The following NAA35 variants were observed in gnomAD, a reference collection of about 807,000 sequenced individuals.
NAA35 encodes the protein N-alpha-acetyltransferase 35, NatC auxiliary subunit.
Under a neutral mutation model 101.7 loss-of-function variants are expected in NAA35, and 18 were observed. That is an observed-to-expected ratio of 0.18 (90% CI 0.12 to 0.26). The LOEUF is 0.26. Among genes scored for constraint, NAA35 ranks in the 10% least tolerant of loss-of-function variants. The pLI is 1.00. For synonymous variants in NAA35, 267 were observed against 273.1 expected (o/e 0.98, Z 0.22); for missense variants, 601 against 886.8 (o/e 0.68, Z 4.09).
rs1831307385 is a variant in NAA35 at position 85,999,159 on chromosome 9, C to G, written c.1056+2582C>G. Among the ~76,000 whole-genome samples, 4 of 151,958 alleles carry G rather than the reference C, an allele frequency of 2.6e-5. No individual in the cohort carries two copies. In the South Asian group the frequency reaches 8.3e-4, roughly 32 times the overall value. ...CATAAGAATCAGAATTTTAAAAGTT[C>G]CTAGGAAAAAGATCATAGAAAGACA... On this transcript the variant is annotated intron_variant, in intron 12 of 22. Transcript: ENST00000361671.
chr9:85,958,374 T>G (rs1287627496), intron 3 of NAA35, 98 bp from the exon 4 acceptor site: 8 of 639,958 alleles, frequency 1.3e-5, no homozygotes. Context: ...ATAGAATACT[T>G]TAGTTATTAA....
At chr9:85,976,244 T>G (rs1830206143) in intron 8 of NAA35, among the ~76,000 whole-genome samples, 1 of 152,220 alleles carries the variant, frequency 6.6e-6, no homozygotes, top group African/African-American at 2.4e-5. Flanking sequence ...ACATTTGTAT[T>G]AAGAAATTGT....
At chr9:86,001,657 TG>T (rs1831423181) in intron 12 of NAA35, among the ~76,000 whole-genome samples, 1 of 152,234 alleles carries the variant, frequency 6.6e-6, no homozygotes, top group Non-Finnish European at 1.5e-5. Flanking sequence ...TTTGTTGGTG[TG>T]AAATCTGTTT....
intron 12 of NAA35, among the ~76,000 whole-genome samples, chr9:85,996,936 T>TA (rs1831187166): frequency 6.6e-6 from 1 of 151,848 alleles, no homozygotes; most frequent in African/African-American, 2.4e-5. Context: ...AAAGTGAACT[T>TA]AAACTCTTTT....
At chr9:85,996,856 C>T (rs947500759) in intron 12 of NAA35, among the ~76,000 whole-genome samples, 1 of 152,122 alleles carries the variant, frequency 6.6e-6, no homozygotes, top group Admixed American at 6.5e-5. Context: ...GATAATTCAT[C>T]CAAGATTTGT....
chr9:85,958,403 C>A (rs536462346), intron 3 of NAA35, 69 bp from the exon 4 acceptor site: 3 of 886,338 alleles, frequency 3.4e-6, no homozygotes, highest in Admixed American at 4.9e-5. Context: ...TAATTTTATA[C>A]CGTTGTGAAA....
At chr9:85,948,887 A>G (rs1345221041) in intron 2 of NAA35, among the ~76,000 whole-genome samples, 1 of 151,838 alleles carries the variant, frequency 6.6e-6, no homozygotes, top group Non-Finnish European at 1.5e-5. Flanking sequence ...CCTCCCGGGT[A>G]GCAGGGATTA....
At chr9:86,011,281 G>A (rs989481274) in intron 15 of NAA35, among the ~76,000 whole-genome samples, 1 of 151,848 alleles carries the variant, frequency 6.6e-6, no homozygotes, top group East Asian at 1.9e-4. Flanking sequence ...GTCACAAATT[G>A]TTTTCATCTC....
At chr9:85,980,977 T>A (rs1428705942) in intron 11 of NAA35, among the ~76,000 whole-genome samples, 1 of 152,138 alleles carries the variant, frequency 6.6e-6, no homozygotes, top group Non-Finnish European at 1.5e-5. Flanking sequence ...ACACCTACCC[T>A]CCATTTAGAG....
At chr9:85,965,318 A>G (rs982555054) in intron 6 of NAA35, among the ~76,000 whole-genome samples, 6 of 152,206 alleles carry the variant, frequency 3.9e-5, no homozygotes, top group African/African-American at 1.4e-4. Context: ...AAGATGTTAC[A>G]TTCATACAAT....
intron 11 of NAA35, among the ~76,000 whole-genome samples, chr9:85,993,951 G>A (rs1417021328): frequency 6.6e-6 from 1 of 151,968 alleles, no homozygotes; most frequent in African/African-American, 2.4e-5. Context: ...CAGGACTACA[G>A]GCATGAGCCA....
At chr9:85,954,145 G>C (rs1362084414) in intron 2 of NAA35, among the ~76,000 whole-genome samples, 1 of 152,042 alleles carries the variant, frequency 6.6e-6, no homozygotes, top group Non-Finnish European at 1.5e-5. Flanking sequence ...CAGTGGTTCT[G>C]TTGTGGCTTT....
chr9:86,004,713 A>T (rs1265186480), intron 13 of NAA35, among the ~76,000 whole-genome samples: 3 of 152,200 alleles, frequency 2.0e-5, no homozygotes, highest in Non-Finnish European at 4.4e-5. Flanking sequence ...AATATCAAGA[A>T]TGAAAGAAGG....
intron 6 of NAA35, among the ~76,000 whole-genome samples, chr9:85,973,127 G>A (rs915554949): frequency 3.3e-5 from 5 of 152,146 alleles, no homozygotes; most frequent in Admixed American, 6.5e-5. Context: ...TGTGGGAGCC[G>A]TGAGAGGAGA....
At chr9:85,963,931 A>T (rs1270154801) in intron 6 of NAA35, among the ~76,000 whole-genome samples, 2 of 152,192 alleles carry the variant, frequency 1.3e-5, no homozygotes, top group Non-Finnish European at 2.9e-5. Flanking sequence ...GTTCACAGAA[A>T]ATAAAATGGC....
rs1832601019 is a variant in NAA35 at position 86,022,292 on chromosome 9, A to G, written c.*332A>G. The G allele has an allele frequency of 5.5e-6, 1 of 181,078 alleles. No individual in the cohort carries two copies. Among genetic ancestry groups the G allele is most frequent in the South Asian group, 1.7e-4 (1 of 6,040 alleles). 11.2% of individuals were successfully genotyped at this position (181,078 alleles called of 1,614,324 possible). A position where few individuals can be genotyped will look rare whatever the true frequency, so the allele number is the denominator to read the frequency against. On this transcript the variant is annotated 3_prime_UTR_variant, in exon 23 of 23. Transcript: ENST00000361671. ...AAAGGTTAATAAATTTCTTGACAAA[A>G]AAAAAATGCACTGCTGGAGATGAAA...
intron 21 of NAA35, among the ~76,000 whole-genome samples, chr9:86,019,514 G>C (rs564401953): frequency 2.0e-5 from 3 of 151,910 alleles, no homozygotes; most frequent in Non-Finnish European, 4.4e-5. Flanking sequence ...AAAATGACCG[G>C]GTCAGTTATC....
intron 13 of NAA35, among the ~76,000 whole-genome samples, chr9:86,004,990 A>G (rs535346778): frequency 6.6e-6 from 1 of 152,350 alleles, no homozygotes. Context: ...CATATGAGCC[A>G]GAATTTACTC....
Position 85,962,129 on chromosome 9 carries a change from A to G in NAA35, c.465A>G (p.Lys155=), listed in dbSNP as rs757229187. 3 of 1,614,146 alleles carry G rather than the reference A, an allele frequency of 1.9e-6. No individual in the cohort carries two copies. In the Admixed American group the frequency reaches 5.0e-5, roughly 27 times the overall value. The change falls in exon 6 of 23, where the codon AAA becomes AAG. Residue 155 remains lysine (K), a synonymous_variant. Coordinates refer to ENST00000361671, the MANE Select transcript of NAA35 (RefSeq NM_024635.4). ...AGGCTTTTGCTCTGGGAATCTTGAA[A>G]ATCTGTGACATTGCAAGGGAAAAAG... ...AMKAFALGIL[K]ICDIAREKVN...
Sources: gnomAD v4.1 joint callset for allele counts (sites outside exome capture counted in the v4.1 genomes callset) on GRCh38, gnomAD v4.1.1 for gene constraint, MANE v1.5 for transcripts, NCBI Gene and HGNC (gene_info 2026-07-23, HGNC 2026-07-21) for gene names.